Variants in RNFT2 observed in about 807,000 individuals in gnomAD.
RNFT2 encodes the protein ring finger protein, transmembrane 2.
In RNFT2, 36 loss-of-function variants were observed where a neutral mutation model predicts 53.0. The observed-to-expected ratio is 0.68, with a 90% CI of 0.52 to 0.90. The LOEUF (loss-of-function observed/expected upper bound fraction) is 0.90, where lower values mean the gene tolerates loss of function less well. Among genes scored for constraint, RNFT2 ranks in the 40% least tolerant of loss-of-function variants. RNFT2 has a pLI of 0.00. For synonymous variants in RNFT2, 260 were observed against 253.2 expected, an observed-to-expected ratio of 1.03 and a Z score of -0.26; for missense variants, 514 against 585.6, an observed-to-expected ratio of 0.88 and a Z score of 1.26.
intron 7 of RNFT2, among the ~76,000 whole-genome samples, chr12:116,819,056 T>C (rs1488867713): frequency 6.6e-6 from 1 of 152,216 alleles, no homozygotes; most frequent in Non-Finnish European, 1.5e-5. Flanking sequence ...ATCCCTCTGA[T>C]CCCGTTTCTT....
chr12:116,826,818 G>C (rs1189396010), intron 7 of RNFT2, among the ~76,000 whole-genome samples: 1 of 152,250 alleles, frequency 6.6e-6, no homozygotes, highest in Non-Finnish European at 1.5e-5. Flanking sequence ...CATGCTAGAT[G>C]CTGGGAATAT....
intron 7 of RNFT2, among the ~76,000 whole-genome samples, chr12:116,807,149 A>C (rs1047319277): frequency 3.3e-5 from 5 of 152,128 alleles, no homozygotes; most frequent in Admixed American, 6.6e-5. Context: ...GGGAGAAGGA[A>C]TATCGGGAGG....
intron 10 of RNFT2, among the ~76,000 whole-genome samples, chr12:116,845,257 AAAT>A (rs1394008331): frequency 0.024 from 1,904 of 80,746 alleles, 17 homozygotes; most frequent in Admixed American, 0.032. Context: ...AAAAAAAAAA[AAAT>A]ATATATATAT....
At chr12:116,763,802 GA>G (rs535476589) in intron 5 of RNFT2, among the ~76,000 whole-genome samples, 3,638 of 141,052 alleles carry the variant, frequency 0.026, 71 homozygotes, top group African/African-American at 0.053. Flanking sequence ...GGCGGGGGGG[GA>G]AAGAACTAAA....
intron 10 of RNFT2, among the ~76,000 whole-genome samples, chr12:116,841,810 TATATATAAAA>T: frequency 4.9e-5 from 4 of 81,056 alleles, no homozygotes; most frequent in African/African-American, 2.9e-4. Flanking sequence ...TATATAAATA[TATATATAAAA>T]ATATATATAT....
rs193180672 is a variant in RNFT2, at chr12:116,838,022, T to A, written c.1200+1740T>A. ...TTATACACACACAAACATATTTTTTTAAAAAAAAACATAAGTTATAGTACA... is the reference window on the plus strand; with the variant it reads ...TTATACACACACAAACATATTTTTTAAAAAAAAAACATAAGTTATAGTACA... On this transcript the variant is annotated intron_variant, in intron 10 of 10. Coordinates refer to ENST00000257575, the MANE Select transcript of RNFT2 (RefSeq NM_001382266.1). Among the ~76,000 whole-genome samples, 517 of 151,592 alleles carry A rather than the reference T, an allele frequency of 3.4e-3. 4 individuals are homozygous for A. The highest frequency in any genetic ancestry group is 9.7e-3 in the East Asian group (50 of 5,172).
intron 7 of RNFT2, among the ~76,000 whole-genome samples, chr12:116,789,440 A>AGATGGATG (rs200853523): frequency 7.9e-6 from 1 of 126,884 alleles, no homozygotes; most frequent in East Asian, 2.9e-4. Flanking sequence ...GATGGATGGT[A>AGATGGATG]GATGGATGGA....
At chr12:116,794,616 A>C (rs927153388) in intron 7 of RNFT2, among the ~76,000 whole-genome samples, 11 of 130,092 alleles carry the variant, frequency 8.5e-5, no homozygotes. Context: ...AAAGAAAGGA[A>C]AGAAAGGGAA....
At chr12:116,750,586 G>A (rs1200011926) in intron 4 of RNFT2, among the ~76,000 whole-genome samples, 1 of 151,608 alleles carries the variant, frequency 6.6e-6, no homozygotes, top group East Asian at 1.9e-4. Context: ...GTGTAAAGGA[G>A]TGCTGTGTAA....
intron 5 of RNFT2, among the ~76,000 whole-genome samples, chr12:116,759,918 G>C (rs1341043156): frequency 6.6e-6 from 1 of 152,130 alleles, no homozygotes; most frequent in African/African-American, 2.4e-5. Context: ...TAGAACTCTC[G>C]AGTTTCTATG....
At chr12:116,834,197 C>T (rs2137203458) in intron 8 of RNFT2, among the ~76,000 whole-genome samples, 1 of 152,250 alleles carries the variant, frequency 6.6e-6, no homozygotes, top group Middle Eastern at 3.4e-3. Flanking sequence ...CGGCTCACTG[C>T]AACCTCCACT....
chr12:116,764,292 A>G (rs1872816766), intron 5 of RNFT2, among the ~76,000 whole-genome samples: 1 of 152,186 alleles, frequency 6.6e-6, no homozygotes, highest in African/African-American at 2.4e-5. Flanking sequence ...AATCTCACAA[A>G]TCACCACAAA....
chr12:116,823,365 CT>C (rs1324243376), intron 7 of RNFT2, among the ~76,000 whole-genome samples: 1 of 152,182 alleles, frequency 6.6e-6, no homozygotes, highest in African/African-American at 2.4e-5. Context: ...CACTTTAACC[CT>C]GTTTTCATGT....
At chr12:116,800,127 C>T (rs1603327) in intron 7 of RNFT2, among the ~76,000 whole-genome samples, 103,482 of 152,092 alleles carry the variant, frequency 0.68, 39,713 homozygotes, top group Non-Finnish European at 0.86. Flanking sequence ...CACCAGAGGC[C>T]GAGCATATGC....
At chr12:116,810,606 C>T (rs1875326709) in intron 7 of RNFT2, among the ~76,000 whole-genome samples, 4 of 152,204 alleles carry the variant, frequency 2.6e-5, no homozygotes, top group Admixed American at 1.3e-4. Flanking sequence ...CCTTTCCAAA[C>T]TACATCATGG....
intron 7 of RNFT2, among the ~76,000 whole-genome samples, chr12:116,789,232 A>G (rs1461996572): frequency 7.4e-5 from 7 of 94,064 alleles, no homozygotes; most frequent in Admixed American, 1.2e-4. Context: ...ATGGGAGGAG[A>G]GTAGATGGAT....
intron 7 of RNFT2, among the ~76,000 whole-genome samples, chr12:116,804,486 T>C (rs1339519986): frequency 6.6e-6 from 1 of 152,212 alleles, no homozygotes; most frequent in Non-Finnish European, 1.5e-5. Flanking sequence ...TATTCTTTGG[T>C]TTATTCATCC....
chr12:116,744,906 A>G (rs1307611168), intron 3 of RNFT2, among the ~76,000 whole-genome samples: 1 of 152,088 alleles, frequency 6.6e-6, no homozygotes, highest in Non-Finnish European at 1.5e-5. Context: ...GTGGCCACGG[A>G]GAGAGAGTGG....
chr12:116,791,744 G>A (rs532476827), intron 7 of RNFT2, among the ~76,000 whole-genome samples: 2 of 152,292 alleles, frequency 1.3e-5, no homozygotes, highest in African/African-American at 4.8e-5. Flanking sequence ...GTGAGCTTTC[G>A]CAGACAAGTA....
Sources: gnomAD v4.1 joint callset for allele counts (sites outside exome capture counted in the v4.1 genomes callset) on GRCh38, gnomAD v4.1.1 for gene constraint, MANE v1.5 for transcripts, NCBI Gene and HGNC (gene_info 2026-07-23, HGNC 2026-07-21) for gene names.